GRM8: variants seen among roughly 807,000 people sequenced by gnomAD.
GRM8 encodes the protein metabotropic glutamate receptor 8.
Under a neutral mutation model 87.2 loss-of-function variants are expected in GRM8, and 47 were observed. The observed-to-expected ratio is 0.54, with a 90% CI of 0.43 to 0.69. GRM8 has a LOEUF of 0.69. Ranked by LOEUF, GRM8 falls within the 30% of genes least tolerant of loss-of-function variation. The pLI is 0.00. For missense variants in GRM8, 1,019 were observed against 1,139.2 expected, an observed-to-expected ratio of 0.89 and a Z score of 1.52; for synonymous variants, 396 against 404.5, an observed-to-expected ratio of 0.98 and a Z score of 0.25.
At chr7:127,109,002 AC>A (rs1450545153) in intron 2 of GRM8, among the ~76,000 whole-genome samples, 1 of 152,264 alleles carries the variant, frequency 6.6e-6, no homozygotes, top group East Asian at 1.9e-4. Flanking sequence ...ATTGTGGTAG[AC>A]CCCTAAGCAT....
rs528797929 is a variant in GRM8 at position 127,077,718 on chromosome 7, G to T, written c.727+28778C>A. On this transcript the variant is annotated intron_variant, in intron 3 of 10. Coordinates refer to ENST00000339582, the MANE Select transcript of GRM8 (RefSeq NM_000845.3). ...TTCTCTGCCAGGTAACAACCCCCTT[G>T]GTAACTCAAGTTTTACCATCTTCTT... Among the ~76,000 whole-genome samples, 9 of 152,134 alleles carry T rather than the reference G, an allele frequency of 5.9e-5. No individual in the cohort carries two copies. In the East Asian group the frequency reaches 1.5e-3, roughly 26 times the overall value.
intron 2 of GRM8, among the ~76,000 whole-genome samples, chr7:127,192,257 T>A (rs1795067298): frequency 6.6e-6 from 1 of 152,206 alleles, no homozygotes; most frequent in Non-Finnish European, 1.5e-5. Context: ...GCTACCAAAT[T>A]ATGCATCATT....
At chr7:126,548,207 C>T (rs1450900028) in intron 8 of GRM8, among the ~76,000 whole-genome samples, 3 of 151,922 alleles carry the variant, frequency 2.0e-5, no homozygotes, top group Admixed American at 1.3e-4. Context: ...GGAGAAATGC[C>T]TAATGTAGAT....
intron 3 of GRM8, among the ~76,000 whole-genome samples, chr7:127,102,505 G>A (rs1295207841): frequency 1.3e-5 from 2 of 152,162 alleles, no homozygotes; most frequent in African/African-American, 4.8e-5. Context: ...GCAGCCTCAG[G>A]ACACTGTTAC....
At chr7:126,612,339 G>T (rs1403337099) in intron 7 of GRM8, among the ~76,000 whole-genome samples, 3 of 151,970 alleles carry the variant, frequency 2.0e-5, no homozygotes, top group Non-Finnish European at 4.4e-5. Context: ...TAAAATTCCG[G>T]TCCCTAAATT....
chr7:127,087,695 C>A (rs577604666), intron 3 of GRM8, among the ~76,000 whole-genome samples: 24 of 152,304 alleles, frequency 1.6e-4, no homozygotes, highest in African/African-American at 5.3e-4. Context: ...GCTGCACCCA[C>A]AGTAAACACT....
rs189798202 is a variant in GRM8, at chr7:126,537,573, G to A, written c.1495-3686C>T. On this transcript the variant is annotated intron_variant, in intron 8 of 10. Coordinates refer to ENST00000339582, the MANE Select transcript of GRM8 (RefSeq NM_000845.3). ...AGGCGGATCACAAGGTCAGGAGATC[G>A]AGACCATCCTGGCCAACACGGTAAA... Among the ~76,000 whole-genome samples, 807 of 152,134 alleles carry A rather than the reference G, an allele frequency of 5.3e-3. 9 individuals carry two copies. Among genetic ancestry groups the A allele is most frequent in the African/African-American group, 0.019 (777 of 41,484 alleles).
At chr7:127,023,949 C>T (rs1255733488) in intron 3 of GRM8, among the ~76,000 whole-genome samples, 1 of 152,136 alleles carries the variant, frequency 6.6e-6, no homozygotes, top group Non-Finnish European at 1.5e-5. Flanking sequence ...GTATTCCTGA[C>T]ACTGCCTGTA....
At chr7:126,629,856 A>T (rs1801080369) in intron 7 of GRM8, among the ~76,000 whole-genome samples, 1 of 152,178 alleles carries the variant, frequency 6.6e-6, no homozygotes, top group African/African-American at 2.4e-5. Context: ...AATATATTTT[A>T]AAATTGCTGT....
At chr7:127,238,011 C>T (rs1051892221) in intron 2 of GRM8, among the ~76,000 whole-genome samples, 5 of 152,122 alleles carry the variant, frequency 3.3e-5, no homozygotes, top group African/African-American at 9.7e-5. Flanking sequence ...AATTTATGGG[C>T]TTCTCAAACA....
At chr7:126,967,769 T>G (rs1298858281) in intron 3 of GRM8, among the ~76,000 whole-genome samples, 2 of 152,194 alleles carry the variant, frequency 1.3e-5, no homozygotes, top group Non-Finnish European at 2.9e-5. Flanking sequence ...CATCAAATCT[T>G]AAATAGGTCC....
intron 2 of GRM8, among the ~76,000 whole-genome samples, chr7:127,110,346 A>G (rs575029410): frequency 1.4e-4 from 21 of 152,252 alleles, no homozygotes; most frequent in Non-Finnish European, 2.9e-5. Flanking sequence ...CTAACTTCTT[A>G]GCCCTTCTCT....
At chr7:126,698,082 T>C (rs1809564161) in intron 7 of GRM8, among the ~76,000 whole-genome samples, 1 of 152,172 alleles carries the variant, frequency 6.6e-6, no homozygotes, top group Non-Finnish European at 1.5e-5. Flanking sequence ...ACAAATGGAA[T>C]AGATTGTGGA....
chr7:126,494,266 T>A (rs1808419023), intron 9 of GRM8, among the ~76,000 whole-genome samples: 1 of 152,062 alleles, frequency 6.6e-6, no homozygotes, highest in South Asian at 2.1e-4. Context: ...GTCACCATTT[T>A]TTAAAGTTGC....
intron 5 of GRM8, among the ~76,000 whole-genome samples, chr7:126,903,187 C>T (rs1802271369): frequency 6.6e-6 from 1 of 152,098 alleles, no homozygotes. Context: ...GAGTCATGAA[C>T]TCAAGTGTCG....
At chr7:126,544,063 C>G in intron 8 of GRM8, among the ~76,000 whole-genome samples, 1 of 152,156 alleles carries the variant, frequency 6.6e-6, no homozygotes, top group East Asian at 1.9e-4. Flanking sequence ...ATATGTTCCT[C>G]CTCTGTATTT....
chr7:126,621,665 C>T (rs938787573), intron 7 of GRM8, among the ~76,000 whole-genome samples: 4 of 151,926 alleles, frequency 2.6e-5, no homozygotes, highest in African/African-American at 9.7e-5. Context: ...GTGATCCACC[C>T]ACCTCTGCCT....
At chr7:126,505,756 A>C (rs1352765608) in intron 9 of GRM8, among the ~76,000 whole-genome samples, 1 of 152,128 alleles carries the variant, frequency 6.6e-6, no homozygotes, top group Non-Finnish European at 1.5e-5. Flanking sequence ...ACATCTTGAT[A>C]TAGATATACG....
In GRM8 at chr7:126,562,606, C is replaced by T. The variant is rs570581289; in HGVS notation, c.1495-28719G>A. Reference sequence around the variant, plus strand: ...AGGTACAATTTATTTTAAAAATAAGCGAAGGTTGCCCGGCGTGGTGGCTCA... The same window carrying T: ...AGGTACAATTTATTTTAAAAATAAGTGAAGGTTGCCCGGCGTGGTGGCTCA... On this transcript the variant is annotated intron_variant, in intron 8 of 10. Transcript: ENST00000339582. Among the ~76,000 whole-genome samples, 16 of 152,136 alleles carry T rather than the reference C, an allele frequency of 1.1e-4. No individual in the cohort carries two copies. In the South Asian group the frequency reaches 1.2e-3, roughly 12 times the overall value.
Sources: allele counts gnomAD v4.1 joint callset (sites outside exome capture counted in the v4.1 genomes callset), GRCh38; gene constraint gnomAD v4.1.1; transcripts MANE v1.5; gene names NCBI Gene and HGNC (gene_info 2026-07-23, HGNC 2026-07-21).